ARHGEF10L: variants seen among roughly 807,000 people sequenced by gnomAD.
The protein encoded by ARHGEF10L is rho guanine nucleotide exchange factor 10-like protein.
ARHGEF10L carries 69 observed loss-of-function variants against 141.2 expected under a neutral mutation model. The ratio of observed to expected loss-of-function variants is 0.49; its 90% confidence interval spans 0.40 to 0.60. The LOEUF (loss-of-function observed/expected upper bound fraction) is 0.60, where lower values mean the gene tolerates loss of function less well. Among genes scored for constraint, ARHGEF10L ranks in the 20% least tolerant of loss-of-function variants. ARHGEF10L has a pLI of 0.00. For missense variants in ARHGEF10L, 1,482 were observed against 1,734.3 expected (o/e 0.85, Z 2.58); for synonymous variants, 711 against 718.5 (o/e 0.99, Z 0.17).
chr1:17,533,646 T>C, the ARHGEF10L span, among the ~76,000 whole-genome samples: 1 of 152,156 alleles, frequency 6.6e-6, no homozygotes, highest in Non-Finnish European at 1.5e-5. Flanking sequence ...ATGCAGGTCT[T>C]GGGTTATGAA....
chr1:17,616,815 G>T (rs1003066978), intron 9 of ARHGEF10L, among the ~76,000 whole-genome samples: 2 of 152,238 alleles, frequency 1.3e-5, no homozygotes, highest in African/African-American at 4.8e-5. Flanking sequence ...ACCAGGCAGA[G>T]CGGAGTGGGT....
intron 22 of ARHGEF10L, among the ~76,000 whole-genome samples, chr1:17,652,597 T>C (rs2062000326): frequency 6.6e-6 from 1 of 152,110 alleles, no homozygotes; most frequent in Non-Finnish European, 1.5e-5. Context: ...CGGAGTCTAT[T>C]CTGTGGCATT....
chr1:17,545,853 A>G (rs1256133874), intron 1 of ARHGEF10L, among the ~76,000 whole-genome samples: 2 of 152,148 alleles, frequency 1.3e-5, no homozygotes, highest in Non-Finnish European at 2.9e-5. Context: ...GGAGAGGGGA[A>G]CAATTCATGC....
At chr1:17,692,168 A>C (rs2065153728) in intron 27 of ARHGEF10L, among the ~76,000 whole-genome samples, 1 of 152,128 alleles carries the variant, frequency 6.6e-6, no homozygotes, top group South Asian at 2.1e-4. Flanking sequence ...TAGGTGTGGG[A>C]AATAGTCCCA....
chr1:17,538,550 G>T (rs2076615148), upstream of ARHGEF10L, among the ~76,000 whole-genome samples: 1 of 152,124 alleles, frequency 6.6e-6, no homozygotes, highest in South Asian at 2.1e-4. Flanking sequence ...GGCCTGTGTG[G>T]CTTGTCTCAC....
At chr1:17,634,083 G>A (rs1259297386) in intron 16 of ARHGEF10L, among the ~76,000 whole-genome samples, 1 of 152,114 alleles carries the variant, frequency 6.6e-6, no homozygotes, top group Admixed American at 6.5e-5. Context: ...GTCTGGGCAG[G>A]GCTTATGGCT....
intron 26 of ARHGEF10L, among the ~76,000 whole-genome samples, chr1:17,683,887 G>C (rs951822060): frequency 6.6e-6 from 1 of 152,230 alleles, no homozygotes. Flanking sequence ...TTGGTCCCAG[G>C]CCTCTGGGTT....
intron 27 of ARHGEF10L, among the ~76,000 whole-genome samples, chr1:17,689,463 CTCCCTCCCTGCCTCCTTCCCCTA>C (rs2064888076): frequency 8.7e-6 from 1 of 114,374 alleles, no homozygotes. Flanking sequence ...CCCTCTCTCC[CTCCCTCCCTGCCTCCTTCCCCTA>C]CCTCCCTCTC....
intron 26 of ARHGEF10L, among the ~76,000 whole-genome samples, chr1:17,668,178 T>C (rs2063100768): frequency 6.6e-6 from 1 of 152,216 alleles, no homozygotes; most frequent in African/African-American, 2.4e-5. Flanking sequence ...ATTGTAATAA[T>C]TTACCTATCT....
In ARHGEF10L at chr1:17,627,935, G is replaced by A. The variant is rs2060474319; in HGVS notation, c.1584+432G>A. On this transcript the variant is annotated intron_variant, in intron 15 of 28. Transcript: ENST00000361221. The surrounding 1 kb of genome is among the most constrained non-coding windows in gnomAD (Gnocchi z 4.0). ...GAGCCCTAGGGCTGCTGCCGCAAAAGAGGGAGCTGGCAAAGTGGCTTCGTG... is the reference window on the plus strand; with the variant it reads ...GAGCCCTAGGGCTGCTGCCGCAAAAAAGGGAGCTGGCAAAGTGGCTTCGTG... Among the ~76,000 whole-genome samples, 1 of 152,102 alleles carries A rather than the reference G, an allele frequency of 6.6e-6. No individual in the cohort carries two copies. Among genetic ancestry groups the A allele is most frequent in the Non-Finnish European group, 1.5e-5 (1 of 68,046 alleles).
chr1:17,696,961 C>T lies in ARHGEF10L; in HGVS notation c.3421C>T (p.Pro1141Ser). ...LRSDQEEAEG[P>S]RAEEDKPDGQ... Reference sequence around the variant, plus strand: ...GAGTGACCAGGAGGAGGCTGAGGGGCCCCGGGCTGAGGAGGACAAGCCAGA... The same window carrying T: ...GAGTGACCAGGAGGAGGCTGAGGGGTCCCGGGCTGAGGAGGACAAGCCAGA... Residue 1141 changes from proline (P) to serine (S), a missense_variant, in exon 29 of 29, where the codon CCC (proline) becomes TCC (serine). Around this residue, in one of 3 missense-constraint regions of ARHGEF10L, gnomAD observed 858 missense variants for 966.3 expected, o/e 0.89. Transcript: ENST00000361221. 6.2e-7 allele frequency: 1 copy of T among 1,612,464 alleles called. No individual in the cohort carries two copies. The highest frequency in any genetic ancestry group is 8.5e-7 in the Non-Finnish European group (1 of 1,179,762).
At chr1:17,652,471 G>GATT (rs1271981796) in intron 22 of ARHGEF10L, among the ~76,000 whole-genome samples, 1 of 152,166 alleles carries the variant, frequency 6.6e-6, no homozygotes, top group African/African-American at 2.4e-5. Context: ...TCACCTTGAG[G>GATT]ATTAAAGGAT....
chr1:17,647,111 T>C (rs906917746), intron 21 of ARHGEF10L, among the ~76,000 whole-genome samples: 4 of 152,078 alleles, frequency 2.6e-5, no homozygotes, highest in Admixed American at 6.5e-5. Context: ...AGAGCTACTC[T>C]AGCATCACCG....
At chr1:17,516,658 C>T in the ARHGEF10L span, among the ~76,000 whole-genome samples, 1 of 152,274 alleles carries the variant, frequency 6.6e-6, no homozygotes, top group Non-Finnish European at 1.5e-5. Flanking sequence ...CTGCTGCAAC[C>T]TCCTCCTTGC....
chr1:17,687,033 A>G (rs2064662487), intron 26 of ARHGEF10L, among the ~76,000 whole-genome samples: 2 of 151,862 alleles, frequency 1.3e-5, no homozygotes, highest in Admixed American at 1.3e-4. Flanking sequence ...TTGGGACATC[A>G]CCTGTTGTCT....
At chr1:17,575,286 G>A (rs1323972629) in intron 1 of ARHGEF10L, among the ~76,000 whole-genome samples, 2 of 152,352 alleles carry the variant, frequency 1.3e-5, no homozygotes, top group South Asian at 4.1e-4. Context: ...GCACCTCTGA[G>A]CCACTGAATC....
intron 21 of ARHGEF10L, 42 bp from the exon 22 acceptor site, chr1:17,648,512 G>C (rs2061727013): frequency 6.2e-7 from 1 of 1,607,338 alleles, no homozygotes; most frequent in Non-Finnish European, 8.5e-7. Context: ...GTTGGTCCTT[G>C]GACTCTGACC....
the ARHGEF10L span, among the ~76,000 whole-genome samples, chr1:17,523,730 C>T: frequency 2.8e-3 from 424 of 152,274 alleles, 2 homozygotes; most frequent in African/African-American, 9.6e-3. Flanking sequence ...GACTTTTGAG[C>T]CATGGGTTCT....
rs534792667 is a variant in ARHGEF10L at position 17,647,051 on chromosome 1, G to A, written c.2273-1503G>A. 9.2e-5 allele frequency among the ~76,000 whole-genome samples: 14 copies of A among 152,080 alleles called. No homozygotes were observed. The South Asian group carries it at 1.7e-3, about 18-fold the overall frequency. On this transcript the variant is annotated intron_variant, in intron 21 of 28. Coordinates refer to ENST00000361221, the MANE Select transcript of ARHGEF10L (RefSeq NM_018125.4). ...CCAGTGTGGCTGGCGGGAACTCTCC[G>A]GCTGACCTGGCGCCTCCTAGGGGAG...
Sources: gnomAD v4.1 joint callset for allele counts (sites outside exome capture counted in the v4.1 genomes callset) on GRCh38, gnomAD v4.1.1 for gene constraint, gnomAD v4.1.1 regional missense constraint, Gnocchi (gnomAD v3.1) non-coding constraint, MANE v1.5 for transcripts, NCBI Gene and HGNC (gene_info 2026-07-23, HGNC 2026-07-21) for gene names.